The following MAL2 variants were observed in gnomAD, a reference collection of about 807,000 sequenced individuals.
MAL2 encodes protein MAL2.
MAL2 carries 17 observed loss-of-function variants against 18.1 expected under a neutral mutation model. The observed-to-expected ratio is 0.94, with a 90% CI of 0.64 to 1.41. The LOEUF (loss-of-function observed/expected upper bound fraction) is 1.41, where lower values mean the gene tolerates loss of function less well. Among genes scored for constraint, MAL2 ranks in the 40% most tolerant of loss-of-function variants. The pLI, the probability that MAL2 is intolerant of heterozygous loss-of-function variation, is 0.00. For missense variants in MAL2, 222 were observed against 231.9 expected (o/e 0.96, Z 0.28); for synonymous variants, 102 against 102.3 (o/e 1.00, Z 0.02).
At chr8:119,240,690 A>G (rs1168674898) in intron 3 of MAL2, among the ~76,000 whole-genome samples, 2 of 152,148 alleles carry the variant, frequency 1.3e-5, no homozygotes, top group Admixed American at 1.3e-4. Context: ...AGCTGCTTGC[A>G]ATTTATTTCT....
At chr8:119,217,970 C>G (rs73709677) in intron 1 of MAL2, among the ~76,000 whole-genome samples, 11,245 of 152,058 alleles carry the variant, frequency 0.074, 1,202 homozygotes, top group African/African-American at 0.24. Context: ...AAGTTGGAGC[C>G]AAGTTGGGAA....
chr8:119,208,593 T>C lies in MAL2; in HGVS notation c.121T>C (p.Cys41Arg). Reference sequence around the variant, plus strand: ...GCGGACCTACTCGGGCGCCTTCGTCTGCCTGGAGATTGTAAGTGGGGCCGC... The same window carrying C: ...GCGGACCTACTCGGGCGCCTTCGTCCGCCTGGAGATTGTAAGTGGGGCCGC... ...ILRTYSGAFV[C>R]LEILFGGLVW... The change falls in exon 1 of 4, where the codon TGC (cysteine) becomes CGC (arginine). Residue 41 changes from cysteine (C) to arginine (R), a missense_variant. Physicochemically the swap from Cys to Arg is radical, Grantham distance 180 (BLOSUM62 -3). Transcript: ENST00000614891. The surrounding 1 kb of genome is among the most constrained non-coding windows in gnomAD (Gnocchi z 4.3). The C allele has an allele frequency of 7.4e-7, 1 of 1,360,314 alleles. No individual in the cohort carries two copies. The allele number at this position is 1,360,314 out of a possible 1,614,324, so 84.3% of individuals were successfully genotyped here.
intron 2 of MAL2, among the ~76,000 whole-genome samples, chr8:119,232,634 AGTC>A (rs1361955541): frequency 1.3e-5 from 2 of 152,180 alleles, no homozygotes; most frequent in Non-Finnish European, 2.9e-5. Flanking sequence ...GAATTCTATT[AGTC>A]TTCTGTATCT....
intron 2 of MAL2, among the ~76,000 whole-genome samples, chr8:119,231,674 C>T (rs115805406): frequency 0.015 from 2,293 of 152,220 alleles, 63 homozygotes; most frequent in African/African-American, 0.053. Flanking sequence ...AACGCCAAGA[C>T]ATGGAATCAA....
chr8:119,225,073 T>C (rs550580352), intron 2 of MAL2, among the ~76,000 whole-genome samples: 18 of 152,166 alleles, frequency 1.2e-4, no homozygotes, highest in East Asian at 1.9e-4. Flanking sequence ...TTTTTTAAGA[T>C]TAACTTTGTA....
chr8:119,211,030 A>C (rs1470306778), intron 1 of MAL2, among the ~76,000 whole-genome samples: 2 of 152,240 alleles, frequency 1.3e-5, no homozygotes, highest in African/African-American at 4.8e-5. Flanking sequence ...ACATGCTTTA[A>C]GAGAGCAGAG....
At chr8:119,226,167 CT>C (rs1234635783) in intron 2 of MAL2, among the ~76,000 whole-genome samples, 17 of 152,118 alleles carry the variant, frequency 1.1e-4, no homozygotes, top group Admixed American at 1.1e-3. Context: ...TCAATTTTGG[CT>C]TGTGTTGCCA....
chr8:119,234,262 A>C (rs1422496504), intron 2 of MAL2, among the ~76,000 whole-genome samples: 1 of 152,028 alleles, frequency 6.6e-6, no homozygotes, highest in Non-Finnish European at 1.5e-5. Context: ...GGCTTAAAAA[A>C]CGGCGCACCA....
At chr8:119,243,299 A>G (rs940552546) in intron 3 of MAL2, 118 bp from the exon 4 acceptor site, 3 of 575,234 alleles carry the variant, frequency 5.2e-6, no homozygotes, top group African/African-American at 3.9e-5. Context: ...ATATTTTTGT[A>G]AGTGTCGAAG....
At chr8:119,234,209 G>A (rs1169568684) in intron 2 of MAL2, among the ~76,000 whole-genome samples, 1 of 152,168 alleles carries the variant, frequency 6.6e-6, no homozygotes, top group Non-Finnish European at 1.5e-5. Context: ...GACGCACCGG[G>A]AAAATCGGGT....
chr8:119,220,659 C>T (rs1451574634), intron 1 of MAL2, among the ~76,000 whole-genome samples: 1 of 152,130 alleles, frequency 6.6e-6, no homozygotes, highest in East Asian at 1.9e-4. Context: ...TCTTGCTGAG[C>T]TTTGTTCTTC....
intron 2 of MAL2, among the ~76,000 whole-genome samples, chr8:119,229,402 T>C (rs1817666141): frequency 6.7e-6 from 1 of 149,514 alleles, no homozygotes. Flanking sequence ...AACCTCTGCC[T>C]CCTGGATTCA....
At chr8:119,242,631 A>C (rs1164929126) in intron 3 of MAL2, among the ~76,000 whole-genome samples, 5 of 152,180 alleles carry the variant, frequency 3.3e-5, no homozygotes, top group Non-Finnish European at 2.9e-5. Flanking sequence ...TGGAAAGAAA[A>C]GCAGAATAGT....
intron 2 of MAL2, among the ~76,000 whole-genome samples, chr8:119,231,105 C>T (rs933329166): frequency 1.3e-5 from 2 of 152,060 alleles, no homozygotes; most frequent in African/African-American, 4.8e-5. Flanking sequence ...AGTCTTGGCT[C>T]ACTGCAAGCT....
chr8:119,225,423 C>T (rs1817569680), intron 2 of MAL2, among the ~76,000 whole-genome samples: 1 of 152,148 alleles, frequency 6.6e-6, no homozygotes. Context: ...TGGTTTCCAG[C>T]TTCATCCATG....
At chr8:119,243,307 A>T in intron 3 of MAL2, 110 bp from the exon 4 acceptor site, 1 of 626,026 alleles carries the variant, frequency 1.6e-6, no homozygotes. Flanking sequence ...GTAAGTGTCG[A>T]AGTATCTTTA....
Position 119,228,724 on chromosome 8 carries a change from A to G in MAL2, c.303+6967A>G, listed in dbSNP as rs997747144. On this transcript the variant is annotated intron_variant, in intron 2 of 3. Coordinates refer to ENST00000614891, the MANE Select transcript of MAL2 (RefSeq NM_052886.3). The stretch of plus-strand genomic sequence containing the variant: ...GGTATAGCTGGTGGCTCAAGCTCAG[A>G]GAGTCATAAAAGCAAATTCATAAAT... 5.9e-5 allele frequency among the ~76,000 whole-genome samples: 9 copies of G among 152,294 alleles called. No individual in the cohort carries two copies. In the East Asian group the frequency reaches 1.3e-3, roughly 23 times the overall value.
chr8:119,227,583 A>G (rs1314562129), intron 2 of MAL2, among the ~76,000 whole-genome samples: 2 of 152,168 alleles, frequency 1.3e-5, no homozygotes, highest in Non-Finnish European at 2.9e-5. Flanking sequence ...GCAGATCGCA[A>G]ATCCACTGAA....
chr8:119,234,099 C>T (rs1340076325), intron 2 of MAL2, among the ~76,000 whole-genome samples: 7 of 152,228 alleles, frequency 4.6e-5, no homozygotes, highest in South Asian at 2.1e-4. Context: ...CCAGTGGGTG[C>T]GCGCACCGTG....
Sources: gnomAD v4.1 joint callset for allele counts (sites outside exome capture counted in the v4.1 genomes callset) on GRCh38, gnomAD v4.1.1 for gene constraint, Gnocchi (gnomAD v3.1) non-coding constraint, MANE v1.5 for transcripts, NCBI Gene and HGNC (gene_info 2026-07-23, HGNC 2026-07-21) for gene names.